Variants in RAB28 observed in about 807,000 individuals in gnomAD.
RAB28 encodes ras-related protein Rab-28.
RAB28 carries 24 observed loss-of-function variants against 31.7 expected under a neutral mutation model. The ratio of observed to expected loss-of-function variants is 0.76; its 90% confidence interval spans 0.55 to 1.06. The LOEUF (loss-of-function observed/expected upper bound fraction) is 1.06, where lower values mean the gene tolerates loss of function less well. Among genes scored for constraint, RAB28 ranks in the 50% least tolerant of loss-of-function variants. RAB28 has a pLI of 0.00. For synonymous variants in RAB28, 100 were observed against 90.4 expected (o/e 1.11, Z -0.60); for missense variants, 254 against 258.5 (o/e 0.98, Z 0.12).
intron 4 of RAB28, among the ~76,000 whole-genome samples, chr4:13,389,232 C>T (rs116400476): frequency 0.024 from 3,627 of 152,202 alleles, 56 homozygotes; most frequent in African/African-American, 0.045. Context: ...TATGATTCCA[C>T]TCTTATGAGG....
chr4:13,401,668 T>G (rs1017954653), intron 4 of RAB28, among the ~76,000 whole-genome samples: 30 of 152,224 alleles, frequency 2.0e-4, no homozygotes, highest in African/African-American at 7.2e-4. Context: ...TTCCTGACAG[T>G]GTAATTTGTA....
intron 4 of RAB28, among the ~76,000 whole-genome samples, chr4:13,442,241 G>T (rs958106391): frequency 6.6e-6 from 1 of 152,068 alleles, no homozygotes; most frequent in East Asian, 1.9e-4. Context: ...CTTTCCATTT[G>T]TTGTAAGAAG....
At chr4:13,439,711 T>G (rs1352971124) in intron 4 of RAB28, among the ~76,000 whole-genome samples, 1 of 152,224 alleles carries the variant, frequency 6.6e-6, no homozygotes, top group Non-Finnish European at 1.5e-5. Context: ...AGTTTAGGCC[T>G]TTGATCCATT....
intron 4 of RAB28, among the ~76,000 whole-genome samples, chr4:13,431,870 C>T (rs546925881): frequency 6.6e-6 from 1 of 152,090 alleles, no homozygotes; most frequent in African/African-American, 2.4e-5. Context: ...CAGAAGAATT[C>T]AAGCAGTAGA....
intron 1 of RAB28, 78 bp from the exon 2 acceptor site, chr4:13,479,604 A>G (rs1207412904): frequency 3.1e-6 from 3 of 959,236 alleles, no homozygotes. Context: ...AATCTTAAGC[A>G]ATCTTAACAT....
At chr4:13,458,403 A>C (rs1029713360) in intron 4 of RAB28, among the ~76,000 whole-genome samples, 15 of 151,844 alleles carry the variant, frequency 9.9e-5, no homozygotes, top group African/African-American at 3.4e-4. Flanking sequence ...TTCCTAAACA[A>C]TTACAGAGAA....
chr4:13,480,105 T>C (rs1053053944), intron 1 of RAB28, among the ~76,000 whole-genome samples: 2 of 151,724 alleles, frequency 1.3e-5, no homozygotes, highest in Non-Finnish European at 3.0e-5. Context: ...TAAACGTATT[T>C]TTAAGATTAA....
intron 4 of RAB28, among the ~76,000 whole-genome samples, chr4:13,405,502 A>T (rs536465743): frequency 9.2e-5 from 14 of 152,286 alleles, no homozygotes; most frequent in African/African-American, 3.4e-4. Flanking sequence ...CCTAATTGAA[A>T]CTCATAACAT....
chr4:13,448,119 C>A (rs1193922131), intron 4 of RAB28, among the ~76,000 whole-genome samples: 2 of 152,030 alleles, frequency 1.3e-5, no homozygotes, highest in Non-Finnish European at 2.9e-5. Flanking sequence ...GATACCCAGT[C>A]TAGTATTCCT....
chr4:13,455,742 G>C (rs1560139258), intron 4 of RAB28, among the ~76,000 whole-genome samples: 1 of 152,242 alleles, frequency 6.6e-6, no homozygotes, highest in Non-Finnish European at 1.5e-5. Flanking sequence ...TTCTCCTGCA[G>C]TAAGGAATGT....
chr4:13,406,225 C>A (rs1314895291), intron 4 of RAB28, among the ~76,000 whole-genome samples: 1 of 152,146 alleles, frequency 6.6e-6, no homozygotes, highest in African/African-American at 2.4e-5. Context: ...TTGTTCAACT[C>A]CCACTTATGA....
chr4:13,393,005 A>G (rs760166201), intron 4 of RAB28, among the ~76,000 whole-genome samples: 10 of 152,226 alleles, frequency 6.6e-5, no homozygotes, highest in South Asian at 2.1e-4. Flanking sequence ...CATATACTCA[A>G]TAAGTATTAG....
chr4:13,464,256 C>A (rs542304621), intron 3 of RAB28, among the ~76,000 whole-genome samples: 14 of 152,062 alleles, frequency 9.2e-5, no homozygotes, highest in African/African-American at 3.4e-4. Context: ...CAAGAAAGAT[C>A]CTCTCAAGGC....
At chr4:13,448,517 G>A (rs935504426) in intron 4 of RAB28, among the ~76,000 whole-genome samples, 50 of 152,000 alleles carry the variant, frequency 3.3e-4, no homozygotes, top group African/African-American at 1.2e-3. Context: ...TGTCAAAATG[G>A]TTTGGGGCAG....
chr4:13,455,620 G>A (rs1031742372), intron 4 of RAB28, among the ~76,000 whole-genome samples: 4 of 152,230 alleles, frequency 2.6e-5, no homozygotes, highest in South Asian at 2.1e-4. Flanking sequence ...CTCACAAGGC[G>A]TGGGTGGGGA....
intron 3 of RAB28, among the ~76,000 whole-genome samples, chr4:13,464,456 G>C (rs1715745006): frequency 6.6e-6 from 1 of 152,072 alleles, no homozygotes; most frequent in African/African-American, 2.4e-5. Context: ...AGAAACACTA[G>C]TGAAGGTCAC....
chr4:13,383,610 C>T (rs1203139111), intron 4 of RAB28, among the ~76,000 whole-genome samples: 1 of 152,140 alleles, frequency 6.6e-6, no homozygotes. Flanking sequence ...TCATCCAAAT[C>T]TCATCTGGAA....
intron 4 of RAB28, among the ~76,000 whole-genome samples, chr4:13,435,017 CAAAAAAAAA>C (rs991889676): frequency 4.3e-5 from 2 of 47,046 alleles, no homozygotes; most frequent in Non-Finnish European, 9.1e-5. Flanking sequence ...GACTCCGTCT[CAAAAAAAAA>C]AAAAAAAAAG....
intron 1 of RAB28, among the ~76,000 whole-genome samples, chr4:13,480,166 A>T (rs925734428): frequency 1.3e-5 from 2 of 151,790 alleles, no homozygotes; most frequent in Non-Finnish European, 3.0e-5. Flanking sequence ...TAATGCCAAG[A>T]AGTCACAAGC....
Sources: allele counts gnomAD v4.1 joint callset (sites outside exome capture counted in the v4.1 genomes callset), GRCh38; gene constraint gnomAD v4.1.1; transcripts MANE v1.5; gene names NCBI Gene and HGNC (gene_info 2026-07-23, HGNC 2026-07-21).